The following EPC2 variants were observed in gnomAD, a reference collection of about 807,000 sequenced individuals.
The protein encoded by EPC2 is enhancer of polycomb 2, also known as enhancer of polycomb homolog 2.
In EPC2, 14 loss-of-function variants were observed where a neutral mutation model predicts 92.1. The ratio of observed to expected loss-of-function variants is 0.15; its 90% confidence interval spans 0.10 to 0.24. The LOEUF is 0.24. EPC2 is among the 10% of genes least tolerant of loss of function. The pLI, the probability that EPC2 is intolerant of heterozygous loss-of-function variation, is 1.00. For synonymous variants in EPC2, 340 were observed against 334.7 expected, an observed-to-expected ratio of 1.02 and a Z score of -0.17; for missense variants, 755 against 971.5, an observed-to-expected ratio of 0.78 and a Z score of 2.96.
intron 2 of EPC2, among the ~76,000 whole-genome samples, chr2:148,719,612 G>A (rs1682327544): frequency 6.6e-6 from 1 of 152,184 alleles, no homozygotes; most frequent in Non-Finnish European, 1.5e-5. Flanking sequence ...TCCTCTGGAA[G>A]CACCATCCCA....
chr2:148,760,986 C>T (rs2105422572), intron 4 of EPC2, among the ~76,000 whole-genome samples: 1 of 152,200 alleles, frequency 6.6e-6, no homozygotes. Flanking sequence ...CAAATAGTTC[C>T]ATGCCTAATA....
At chr2:148,651,735 A>G (rs1422150059) in intron 1 of EPC2, among the ~76,000 whole-genome samples, 2 of 152,154 alleles carry the variant, frequency 1.3e-5, no homozygotes, top group African/African-American at 2.4e-5. Context: ...CTCAGCTAAC[A>G]TTTGAGTGTG....
At chr2:148,702,746 G>T (rs1681915469) in intron 2 of EPC2, among the ~76,000 whole-genome samples, 1 of 152,286 alleles carries the variant, frequency 6.6e-6, no homozygotes, top group Middle Eastern at 3.4e-3. Context: ...CCTAAGTCAG[G>T]CTTGTTTAAT....
chr2:148,645,968 T>G (rs1683790726), intron 1 of EPC2, among the ~76,000 whole-genome samples: 1 of 152,238 alleles, frequency 6.6e-6, no homozygotes, highest in South Asian at 2.1e-4. Flanking sequence ...TGCATCTAAA[T>G]TGGCAGTTGT....
chr2:148,785,178 T>C (rs915320057), intron 13 of EPC2, among the ~76,000 whole-genome samples, 177 bp downstream of exon 13: 4 of 152,108 alleles, frequency 2.6e-5, no homozygotes, highest in African/African-American at 9.7e-5. Flanking sequence ...AGGTGCCTAG[T>C]AGGATGCTTA....
chr2:148,713,292 C>T (rs1682192250), intron 2 of EPC2, among the ~76,000 whole-genome samples: 1 of 152,114 alleles, frequency 6.6e-6, no homozygotes, highest in Non-Finnish European at 1.5e-5. Flanking sequence ...TAATGATGAT[C>T]ATGACCCAGT....
chr2:148,659,276 T>G (rs1479973791), intron 1 of EPC2, among the ~76,000 whole-genome samples: 1 of 152,132 alleles, frequency 6.6e-6, no homozygotes, highest in African/African-American at 2.4e-5. Flanking sequence ...TGTTTACCAC[T>G]TCCCTTCCAG....
intron 10 of EPC2, among the ~76,000 whole-genome samples, chr2:148,775,873 G>C (rs1442430930): frequency 6.7e-6 from 1 of 149,214 alleles, no homozygotes; most frequent in South Asian, 2.1e-4. Flanking sequence ...TGCCTCCCGG[G>C]TTCACGCCAT....
intron 2 of EPC2, among the ~76,000 whole-genome samples, chr2:148,717,571 A>G (rs1338346386): frequency 6.6e-6 from 1 of 152,066 alleles, no homozygotes; most frequent in Non-Finnish European, 1.5e-5. Flanking sequence ...GCATTTCTTA[A>G]TCTTGAGTTC....
chr2:148,653,504 G>A (rs1005528468), intron 1 of EPC2, among the ~76,000 whole-genome samples: 3 of 152,198 alleles, frequency 2.0e-5, no homozygotes, highest in Admixed American at 6.5e-5. Flanking sequence ...ATGCAGAACC[G>A]CTTCTTACAG....
chr2:148,729,397 T>A (rs1274930263), intron 2 of EPC2, among the ~76,000 whole-genome samples: 1 of 152,232 alleles, frequency 6.6e-6, no homozygotes, highest in Non-Finnish European at 1.5e-5. Flanking sequence ...AGTTCCTGTA[T>A]CTATACCTCT....
chr2:148,686,734 C>G (rs549540957), intron 1 of EPC2, among the ~76,000 whole-genome samples: 4 of 152,284 alleles, frequency 2.6e-5, no homozygotes, highest in African/African-American at 9.6e-5. Flanking sequence ...CTTGGGTGAC[C>G]ATATGCATTG....
intron 2 of EPC2, among the ~76,000 whole-genome samples, chr2:148,701,018 G>A (rs1410035413): frequency 6.6e-6 from 1 of 151,400 alleles, no homozygotes; most frequent in Non-Finnish European, 1.5e-5. Flanking sequence ...GTCTTTTTTT[G>A]TTGTTGTTCT....
rs201993801 is a variant in EPC2, at chr2:148,736,697, AC to A, written c.314-6924del. On this transcript the variant is annotated intron_variant, in intron 2 of 13. Coordinates refer to ENST00000258484, the MANE Select transcript of EPC2 (RefSeq NM_015630.4). The stretch of plus-strand genomic sequence containing the variant: ...CTACAGTTACTTTTTTTCCACACTT[AC>A]TTTTTTTTAATATCAGTTCTTAAGG... Among the ~76,000 whole-genome samples, 19 of 152,130 alleles carry A rather than the reference AC, an allele frequency of 1.2e-4. No homozygotes were observed. The East Asian group carries it at 1.7e-3, about 14-fold the overall frequency.
chr2:148,757,468 C>G (rs1350491559), intron 4 of EPC2, among the ~76,000 whole-genome samples: 1 of 152,122 alleles, frequency 6.6e-6, no homozygotes, highest in African/African-American at 2.4e-5. Context: ...TTTCCTAGCT[C>G]TGTTCACTGA....
At chr2:148,659,272 C>T (rs1680886765) in intron 1 of EPC2, among the ~76,000 whole-genome samples, 1 of 152,002 alleles carries the variant, frequency 6.6e-6, no homozygotes. Flanking sequence ...TGGATGTTTA[C>T]CACTTCCCTT....
intron 4 of EPC2, among the ~76,000 whole-genome samples, chr2:148,758,749 G>A (rs137879170): frequency 3.7e-4 from 57 of 152,146 alleles, no homozygotes; most frequent in African/African-American, 1.3e-3. Flanking sequence ...GGGCAACCTG[G>A]GAGATGCCAT....
chr2:148,780,702 T>C (rs1430211099), intron 10 of EPC2, among the ~76,000 whole-genome samples: 1 of 152,152 alleles, frequency 6.6e-6, no homozygotes, highest in African/African-American at 2.4e-5. Context: ...TATTTGTTGA[T>C]TGAAATCATT....
At chr2:148,698,571 G>A (rs2105375793) in intron 2 of EPC2, among the ~76,000 whole-genome samples, 1 of 139,696 alleles carries the variant, frequency 7.2e-6, no homozygotes, top group South Asian at 2.4e-4. Context: ...GGGAGGTGGA[G>A]GTTTCAGTGA....
Sources: allele counts gnomAD v4.1 joint callset (sites outside exome capture counted in the v4.1 genomes callset), GRCh38; gene constraint gnomAD v4.1.1; transcripts MANE v1.5; gene names NCBI Gene and HGNC (gene_info 2026-07-23, HGNC 2026-07-21).